The following AGTPBP1 variants were observed in gnomAD, a reference collection of about 807,000 sequenced individuals.
The protein encoded by AGTPBP1 is ATP/GTP binding carboxypeptidase 1, also known as cytosolic carboxypeptidase 1.
In AGTPBP1, 70 loss-of-function variants were observed where a neutral mutation model predicts 143.9. The observed-to-expected ratio is 0.49, with a 90% CI of 0.40 to 0.59. AGTPBP1 has a LOEUF of 0.59. Ranked by LOEUF, AGTPBP1 falls within the 20% of genes least tolerant of loss-of-function variation. AGTPBP1 has a pLI of 0.00. For missense variants in AGTPBP1, 1,229 were observed against 1,464.5 expected, an observed-to-expected ratio of 0.84 and a Z score of 2.62; for synonymous variants, 463 against 500.2, an observed-to-expected ratio of 0.93 and a Z score of 0.99.
the AGTPBP1 span, among the ~76,000 whole-genome samples, chr9:85,798,024 T>C: frequency 6.6e-6 from 1 of 151,978 alleles, no homozygotes; most frequent in Non-Finnish European, 1.5e-5. Context: ...TCTCAAGTAG[T>C]TGGGAATACA....
At chr9:85,635,008 A>G (rs550280873) in intron 13 of AGTPBP1, among the ~76,000 whole-genome samples, 1 of 152,272 alleles carries the variant, frequency 6.6e-6, no homozygotes, top group Admixed American at 6.5e-5. Context: ...TGCTATTTTA[A>G]TTTGCATTTC....
the AGTPBP1 span, among the ~76,000 whole-genome samples, chr9:85,787,247 T>A: frequency 6.6e-6 from 1 of 152,154 alleles, no homozygotes; most frequent in African/African-American, 2.4e-5. Flanking sequence ...TCTTTCCTGC[T>A]CTATACACTC....
intron 6 of AGTPBP1, among the ~76,000 whole-genome samples, chr9:85,674,237 T>C (rs1051904157): frequency 6.9e-6 from 1 of 144,858 alleles, no homozygotes; most frequent in African/African-American, 2.6e-5. Context: ...ACTAGAAAAA[T>C]AAAAAGAATA....
At chr9:85,691,248 G>C (rs1835854356) in intron 3 of AGTPBP1, among the ~76,000 whole-genome samples, 1 of 152,016 alleles carries the variant, frequency 6.6e-6, no homozygotes, top group South Asian at 2.1e-4. Context: ...AGAAACAATG[G>C]GGTGGTATCA....
Position 85,709,279 on chromosome 9 carries a change from T to C in AGTPBP1, c.32+3223A>G, listed in dbSNP as rs140027764. Among the ~76,000 whole-genome samples, 541 of 152,328 alleles carry C rather than the reference T, an allele frequency of 3.6e-3. 3 individuals are homozygous for C. Among genetic ancestry groups the C allele is most frequent in the Admixed American group, 7.5e-3 (114 of 15,296 alleles). ...ATTTCACAAAATCAGACATTCATAC[T>C]GGATAAAAAATTCTCAGCATACTAG... On this transcript the variant is annotated intron_variant, in intron 2 of 25. Transcript: ENST00000357081.
chr9:85,731,972 TG>T (rs1205607246), intron 1 of AGTPBP1, among the ~76,000 whole-genome samples: 1 of 152,168 alleles, frequency 6.6e-6, no homozygotes, highest in Non-Finnish European at 1.5e-5. Flanking sequence ...TAATTAGTTT[TG>T]CTTTGTGACA....
the AGTPBP1 span, among the ~76,000 whole-genome samples, chr9:85,787,669 T>C: frequency 2.0e-5 from 3 of 152,352 alleles, no homozygotes; most frequent in East Asian, 1.9e-4. Context: ...TTTTCAGTTA[T>C]AGGAAACATC....
intron 25 of AGTPBP1, among the ~76,000 whole-genome samples, chr9:85,558,249 G>A (rs1255987971): frequency 6.6e-6 from 1 of 152,186 alleles, no homozygotes; most frequent in African/African-American, 2.4e-5. Context: ...GTCACATATT[G>A]TATGATTCCA....
chr9:85,773,631 C>A, the AGTPBP1 span, among the ~76,000 whole-genome samples: 1 of 151,962 alleles, frequency 6.6e-6, no homozygotes, highest in African/African-American at 2.4e-5. Context: ...AGCCACCGTG[C>A]CTGGCCTGAA....
intron 3 of AGTPBP1, among the ~76,000 whole-genome samples, chr9:85,687,166 G>C (rs1835536537): frequency 6.6e-6 from 1 of 152,138 alleles, no homozygotes; most frequent in African/African-American, 2.4e-5. Context: ...AATGATGGAA[G>C]AGGCAAACTA....
chr9:85,586,915 TTGCCAC>T lies in AGTPBP1; in HGVS notation c.2943_2948del (p.Trp982_Gln983del). The T allele has an allele frequency of 6.2e-7, 1 of 1,614,040 alleles. No homozygotes were observed. The highest frequency in any genetic ancestry group is 8.5e-7 in the Non-Finnish European group (1 of 1,179,944). ...TAGGATGTAAATCCGGACTTGGACT[TTGCCAC>T]TGCCTATTCAAATCCTCTCCACTTA... On this transcript the variant is annotated inframe_deletion, in exon 22 of 26. Coordinates refer to ENST00000357081, the MANE Select transcript of AGTPBP1 (RefSeq NM_001330701.2).
chr9:85,604,323 CTGATAA>C (rs1336815895), intron 17 of AGTPBP1, among the ~76,000 whole-genome samples: 3 of 152,188 alleles, frequency 2.0e-5, no homozygotes, highest in Non-Finnish European at 4.4e-5. Context: ...GAGCCTCTGC[CTGATAA>C]TCCAAGAAAT....
At chr9:85,618,583 C>T (rs1830730310) in intron 17 of AGTPBP1, among the ~76,000 whole-genome samples, 1 of 151,536 alleles carries the variant, frequency 6.6e-6, no homozygotes. Flanking sequence ...ATAAATCCCA[C>T]TTGGGATTTG....
chr9:85,786,313 A>C, the AGTPBP1 span: 3 of 1,608,614 alleles, frequency 1.9e-6, no homozygotes, highest in East Asian at 2.2e-5. Context: ...AGCACCCCCC[A>C]GTGGGCATAT....
At chr9:85,672,206 G>T (rs562550479) in intron 7 of AGTPBP1, among the ~76,000 whole-genome samples, 10 of 152,090 alleles carry the variant, frequency 6.6e-5, no homozygotes, top group African/African-American at 2.4e-4. Flanking sequence ...AAATAGTCAG[G>T]ATTAGGCGCC....
chr9:85,626,838 A>G (rs9314743), intron 14 of AGTPBP1, among the ~76,000 whole-genome samples: 168 of 152,334 alleles, frequency 1.1e-3, no homozygotes, highest in African/African-American at 3.9e-3. Flanking sequence ...TATGAATTTC[A>G]TATCATTTTC....
chr9:85,686,515 T>C (rs1197187167), intron 3 of AGTPBP1, among the ~76,000 whole-genome samples: 1 of 152,168 alleles, frequency 6.6e-6, no homozygotes, highest in Non-Finnish European at 1.5e-5. Flanking sequence ...CAACTCCTTC[T>C]AAGAAAACTT....
At chr9:85,549,436 T>A (rs1340595247) in intron 25 of AGTPBP1, among the ~76,000 whole-genome samples, 2 of 152,176 alleles carry the variant, frequency 1.3e-5, no homozygotes, top group East Asian at 1.9e-4. Context: ...TTTCCCCCTA[T>A]CTGAAAACAA....
At chr9:85,772,732 T>C in the AGTPBP1 span, among the ~76,000 whole-genome samples, 3 of 151,962 alleles carry the variant, frequency 2.0e-5, no homozygotes, top group Admixed American at 6.6e-5. Context: ...CAACCTGAGG[T>C]GACAGAGTGA....
Sources: gnomAD v4.1 joint callset for allele counts (sites outside exome capture counted in the v4.1 genomes callset) on GRCh38, gnomAD v4.1.1 for gene constraint, MANE v1.5 for transcripts, NCBI Gene and HGNC (gene_info 2026-07-23, HGNC 2026-07-21) for gene names.